F11: variants seen among roughly 807,000 people sequenced by gnomAD.
The protein encoded by F11 is coagualtion factor XI.
In F11, 78 loss-of-function variants were observed where a neutral mutation model predicts 76.5. The ratio of observed to expected loss-of-function variants is 1.02; its 90% CI spans 0.85 to 1.23. The LOEUF (loss-of-function observed/expected upper bound fraction) is 1.23, where lower values mean the gene tolerates loss of function less well. F11 is among the 50% of genes most tolerant of loss of function. F11 has a pLI of 0.00. For synonymous variants in F11, 278 were observed against 276.3 expected (o/e 1.01, Z -0.06); for missense variants, 742 against 771.4 (o/e 0.96, Z 0.45).
chr4:186,274,723 A>T (rs1276051354), intron 5 of F11: 1 of 197,972 alleles, frequency 5.1e-6, no homozygotes, highest in Admixed American at 5.3e-5. Context: ...ATTTTGAAAT[A>T]TTTCAAGGAT....
chr4:186,272,680 T>G (rs1452656868), intron 3 of F11, among the ~76,000 whole-genome samples: 1 of 152,248 alleles, frequency 6.6e-6, no homozygotes, highest in Non-Finnish European at 1.5e-5. Context: ...TATGTTAGGC[T>G]TTGTGGGCAA....
chr4:186,280,987 C>T (rs1447850207), intron 10 of F11, among the ~76,000 whole-genome samples: 1 of 151,976 alleles, frequency 6.6e-6, no homozygotes, highest in East Asian at 1.9e-4. Context: ...ACCTTAGCTC[C>T]CTGAGTAGCT....
In F11 at chr4:186,267,182, G is replaced by T. The variant is rs1041104600; in HGVS notation, c.46G>T (p.Val16Phe). The T allele has an allele frequency of 1.3e-6, 2 of 1,565,734 alleles. No homozygotes were observed. The highest frequency in any genetic ancestry group is 8.8e-7 in the Non-Finnish European group (1 of 1,136,122). ...QVVHFILFTSVSGECVTQLLK... is the reference protein window; with the variant it reads ...QVVHFILFTSFSGECVTQLLK... ...GGTACATTTCATTTTATTTACTTCAGTTTCTGGTGGTAAGTAGAGTGTTAT... is the reference window on the plus strand; with the variant it reads ...GGTACATTTCATTTTATTTACTTCATTTTCTGGTGGTAAGTAGAGTGTTAT... Residue 16 changes from valine (V) to phenylalanine (F), a missense_variant, in exon 2 of 15, where the codon GTT becomes TTT. Physicochemically the swap from Val to Phe is conservative, Grantham distance 50. Coordinates refer to ENST00000403665, the MANE Select transcript of F11 (RefSeq NM_000128.4).
intron 10 of F11, chr4:186,282,763 C>T (rs1472884913): frequency 3.0e-6 from 3 of 985,234 alleles, no homozygotes; most frequent in East Asian, 2.3e-4. Context: ...AAAATGAGAG[C>T]CTCTGTTCAG....
In F11 at chr4:186,270,705, T is replaced by A. The variant is rs566328623; in HGVS notation, c.56-904T>A. Among the ~76,000 whole-genome samples the A allele has an allele frequency of 5.2e-3, 775 of 148,762 alleles. 8 individuals carry two copies. The highest frequency in any genetic ancestry group is 0.012 in the Admixed American group (180 of 14,896). Reference sequence around the variant, plus strand: ...GTGCGCATGTGCACATGAGAGAGAGTGAGAGAGAAACTGGGTCTTGCTCTG... The same window carrying A: ...GTGCGCATGTGCACATGAGAGAGAGAGAGAGAGAAACTGGGTCTTGCTCTG... On this transcript the variant is annotated intron_variant, in intron 2 of 14. Transcript: ENST00000403665.
intron 7 of F11, among the ~76,000 whole-genome samples, chr4:186,278,041 C>T (rs1234406389): frequency 6.6e-6 from 1 of 152,190 alleles, no homozygotes; most frequent in Non-Finnish European, 1.5e-5. Flanking sequence ...TCAAGCAATC[C>T]ACCTGCCTTG....
rs281875257 is a variant in F11 at position 186,280,300 on chromosome 4, G to A, written c.943G>A (p.Glu315Lys). 43 of 1,613,990 alleles carry A rather than the reference G, an allele frequency of 2.7e-5. No homozygotes were observed. Among genetic ancestry groups the A allele is most frequent in the Middle Eastern group, 3.3e-4 (2 of 6,084 alleles). Residue 315 changes from glutamate to lysine, a missense_variant, in exon 9 of 15, where the codon GAG becomes AAG. Glu to Lys is a moderately conservative substitution (Grantham distance 56). Transcript: ENST00000403665. ...ELDIVAAKSH[E>K]ACQKLCTNAV... is the part of the protein sequence containing the mutation. The stretch of plus-strand genomic sequence containing the variant: ...GGATATTGTTGCTGCAAAAAGTCAC[G>A]AGGCCTGCCAGAAACTGTGCACCAA...
At chr4:186,287,900 G>A (rs564882939) in intron 14 of F11, 77 bp downstream of exon 14, 112 of 1,523,756 alleles carry the variant, frequency 7.4e-5, no homozygotes, top group Non-Finnish European at 9.2e-5. Context: ...TGTTTGTTTT[G>A]TTTTTTTTGT....
At position 186,287,365 on chromosome 4, in the gene F11, C is replaced by T. The variant is rs189457869; in HGVS notation, c.1577-319C>T. ...TTGGGAGGCCAAGATGGGTGGATCACTTGAGGTCAGGAGTTCAAGACTGGC... is the reference window on the plus strand; with the variant it reads ...TTGGGAGGCCAAGATGGGTGGATCATTTGAGGTCAGGAGTTCAAGACTGGC... On this transcript the variant is annotated intron_variant, in intron 13 of 14. Transcript: ENST00000403665. Among the ~76,000 whole-genome samples, 685 of 151,696 alleles carry T rather than the reference C, an allele frequency of 4.5e-3. 4 individuals carry two copies. Among genetic ancestry groups the T allele is most frequent in the Middle Eastern group, 0.01 (3 of 294 alleles).
At chr4:186,289,843 C>T (rs918093971), downstream of F11, among the ~76,000 whole-genome samples, 9 of 152,124 alleles carry the variant, frequency 5.9e-5, no homozygotes, top group South Asian at 2.1e-4. Flanking sequence ...CCACCATGCC[C>T]GGCTAATTTT....
rs1329332285 is a variant in F11, at chr4:186,275,247, T to C, written c.486-540T>C. The C allele has an allele frequency of 1.1e-5, 5 of 452,794 alleles. No individual in the cohort carries two copies. In the East Asian group the frequency reaches 2.1e-4, roughly 19 times the overall value. The allele number at this position is 452,794 out of a possible 1,614,324, so 28.0% of individuals were successfully genotyped here. ...GGCTCACACCTGTAATCCCAGCACTTTGGGAGGCCGAGGCGGGCAGATCAC... is the reference window on the plus strand; with the variant it reads ...GGCTCACACCTGTAATCCCAGCACTCTGGGAGGCCGAGGCGGGCAGATCAC... On this transcript the variant is annotated intron_variant, in intron 5 of 14. Coordinates refer to ENST00000403665, the MANE Select transcript of F11 (RefSeq NM_000128.4).
At chr4:186,272,872 A>G (rs578152556) in intron 3 of F11, 199 bp from the exon 4 acceptor site, 1 of 526,570 alleles carries the variant, frequency 1.9e-6, no homozygotes, top group East Asian at 3.2e-5. Context: ...ATTAGAAAGG[A>G]GTATTACATG....
chr4:186,274,053 A>G, intron 4 of F11, 63 bp from the exon 5 acceptor site: 1 of 1,588,600 alleles, frequency 6.3e-7, no homozygotes. Context: ...CAGGAGGGAC[A>G]GTTGCTTAGG....
chr4:186,270,158 A>G (rs4253830), intron 2 of F11, among the ~76,000 whole-genome samples: 2,897 of 152,302 alleles, frequency 0.019, 90 homozygotes, highest in African/African-American at 0.067. Flanking sequence ...ACCATCACAT[A>G]AATTATTTGA....
At chr4:186,278,913 G>C (rs996275884) in intron 7 of F11, among the ~76,000 whole-genome samples, 1 of 152,174 alleles carries the variant, frequency 6.6e-6, no homozygotes, top group African/African-American at 2.4e-5. Context: ...TTAGAAATAA[G>C]AAAGATGTCA....
chr4:186,286,332 A>T, intron 12 of F11, 83 bp from the exon 13 acceptor site: 1 of 1,224,244 alleles, frequency 8.2e-7, no homozygotes, highest in Non-Finnish European at 1.2e-6. Flanking sequence ...AAACACAGAT[A>T]ATGTACAGTG....
chr4:186,290,640 T>A (rs539390001), downstream of F11: 2 of 152,356 alleles, frequency 1.3e-5, no homozygotes, highest in African/African-American at 4.8e-5. Context: ...GCTGGTATAT[T>A]CCTATGATTC....
chr4:186,283,996 A>C, intron 10 of F11, 96 bp from the exon 11 acceptor site: 1 of 1,590,778 alleles, frequency 6.3e-7, no homozygotes, highest in Non-Finnish European at 8.6e-7. Flanking sequence ...TAAACTATTG[A>C]CTTGAGGAAA....
Position 186,276,353 on chromosome 4 carries a change from A to G in F11, c.718A>G (p.Thr240Ala). 1 of 1,614,060 alleles carries G rather than the reference A, an allele frequency of 6.2e-7. No individual in the cohort carries two copies. The highest frequency in any genetic ancestry group is 8.5e-7 in the Non-Finnish European group (1 of 1,180,010). Residue 240 changes from threonine to alanine, a missense_variant, in exon 7 of 15, where the codon ACC becomes GCC. Thr to Ala is a moderately conservative substitution (Grantham distance 58). Coordinates refer to ENST00000403665, the MANE Select transcript of F11 (RefSeq NM_000128.4). ...TCATCATCCCGGTTGCTTGTTTTTT[A>G]CCTTCTTTTCCCAGGAATGGCCCAA... ...CTHHPGCLFFTFFSQEWPKES... is the reference protein window; with the variant it reads ...CTHHPGCLFFAFFSQEWPKES...
Sources: allele counts gnomAD v4.1 joint callset (sites outside exome capture counted in the v4.1 genomes callset), GRCh38; gene constraint gnomAD v4.1.1; transcripts MANE v1.5; gene names NCBI Gene and HGNC (gene_info 2026-07-23, HGNC 2026-07-21).